The following FHL2 variants were observed in gnomAD, a reference collection of about 807,000 sequenced individuals.
The protein encoded by FHL2 is four and a half LIM domains 2.
A neutral mutation model predicts 32.7 loss-of-function variants in FHL2; 20 were observed. The ratio of observed to expected loss-of-function variants is 0.61; its 90% CI spans 0.43 to 0.89. The LOEUF (loss-of-function observed/expected upper bound fraction) is 0.89, where lower values mean the gene tolerates loss of function less well. Ranked by LOEUF, FHL2 falls within the 40% of genes least tolerant of loss-of-function variation. FHL2 has a pLI of 0.00. For synonymous variants in FHL2, 123 were observed against 128.1 expected (o/e 0.96, Z 0.27); for missense variants, 311 against 358.6 (o/e 0.87, Z 1.07).
chr2:105,417,903 T>C (rs1421953875), intron 1 of FHL2, among the ~76,000 whole-genome samples: 3 of 152,096 alleles, frequency 2.0e-5, no homozygotes, highest in African/African-American at 7.2e-5. Context: ...GCTAAGGCAC[T>C]AGGAGTCTTC....
chr2:105,425,592 G>A (rs942559899), intron 1 of FHL2, among the ~76,000 whole-genome samples: 1 of 151,992 alleles, frequency 6.6e-6, no homozygotes, highest in Admixed American at 6.6e-5. Flanking sequence ...TGTAAAACCC[G>A]ATTGTACATT....
At chr2:105,370,689 CTT>C (rs1558687025) in intron 4 of FHL2, among the ~76,000 whole-genome samples, 1 of 152,148 alleles carries the variant, frequency 6.6e-6, no homozygotes, top group Non-Finnish European at 1.5e-5. Context: ...GGTTCTAACA[CTT>C]TTAAAAATCA....
At chr2:105,374,357 C>A (rs1160455486) in intron 3 of FHL2, 1 of 155,314 alleles carries the variant, frequency 6.4e-6, no homozygotes, top group Non-Finnish European at 1.4e-5. Flanking sequence ...ATTGGAGGGA[C>A]CACAGGCCAG....
chr2:105,436,653 T>C (rs1684620709), intron 1 of FHL2, among the ~76,000 whole-genome samples: 1 of 152,100 alleles, frequency 6.6e-6, no homozygotes, highest in African/African-American at 2.4e-5. Context: ...TAGTGGTATT[T>C]TTTTAAAAAA....
chr2:105,402,260 T>C (rs537030668), upstream of FHL2, among the ~76,000 whole-genome samples: 69 of 151,750 alleles, frequency 4.5e-4, no homozygotes, highest in South Asian at 8.7e-3. Flanking sequence ...TATATATATG[T>C]ATTTGAGATG....
chr2:105,399,195 C>G (rs1161816054), upstream of FHL2: 9 of 1,436,436 alleles, frequency 6.3e-6, no homozygotes, highest in East Asian at 2.6e-4. Flanking sequence ...TGCCCCCGCC[C>G]CGGGCTGCGG....
intron 3 of FHL2, among the ~76,000 whole-genome samples, chr2:105,384,705 G>A (rs138816487): frequency 4.3e-4 from 66 of 152,284 alleles, no homozygotes; most frequent in East Asian, 2.3e-3. Flanking sequence ...ACAGGGTTTC[G>A]CCATGTTGGC....
At chr2:105,384,436 G>C (rs937447633) in intron 3 of FHL2, among the ~76,000 whole-genome samples, 3 of 152,172 alleles carry the variant, frequency 2.0e-5, no homozygotes, top group Non-Finnish European at 4.4e-5. Context: ...AGAAGAGTAC[G>C]AGTGCGAGTG....
At chr2:105,393,917 T>G (rs191560230) in intron 2 of FHL2, among the ~76,000 whole-genome samples, 60 of 152,324 alleles carry the variant, frequency 3.9e-4, no homozygotes, top group African/African-American at 1.4e-3. Flanking sequence ...CAGTCCAGGA[T>G]GCAGCCTGGC....
At chr2:105,368,188 AGT>A (rs746118576) in intron 4 of FHL2, among the ~76,000 whole-genome samples, 175 of 152,202 alleles carry the variant, frequency 1.1e-3, no homozygotes, top group Non-Finnish European at 2.1e-3. Context: ...AAATGGCTAG[AGT>A]GTGAATGAAC....
chr2:105,421,596 T>G (rs1448931122), intron 1 of FHL2, among the ~76,000 whole-genome samples: 1 of 152,178 alleles, frequency 6.6e-6, no homozygotes, highest in African/African-American at 2.4e-5. Context: ...ATGAAAGAAA[T>G]CAAAATTAAA....
chr2:105,407,816 C>T lies in FHL2; in HGVS notation c.-24-21276G>A, dbSNP rs116163039. 7.9e-3 allele frequency among the ~76,000 whole-genome samples: 1,201 copies of T among 152,288 alleles called. 17 individuals are homozygous for T. The highest frequency in any genetic ancestry group is 0.028 in the African/African-American group (1,149 of 41,542). On this transcript the variant is annotated intron_variant, in intron 1 of 5. Coordinates refer to the FHL2 transcript ENST00000393352. ...CTCCCCCCGCTGCCACCACCACCAC[C>T]AGCCTAGGCCTTAATCGCAGAGAAG...
At chr2:105,368,072 A>T (rs1036567315) in intron 4 of FHL2, among the ~76,000 whole-genome samples, 14 of 152,226 alleles carry the variant, frequency 9.2e-5, no homozygotes, top group African/African-American at 3.4e-4. Context: ...GAAGTGTGGC[A>T]TAGCTCCGAT....
chr2:105,361,463 T>G (rs1190581784), intron 6 of FHL2, 29 bp from the exon 7 acceptor site: 1 of 1,599,252 alleles, frequency 6.3e-7, no homozygotes, highest in Non-Finnish European at 8.5e-7. Flanking sequence ...TAATACCGGA[T>G]GAAGAAAGTT....
At chr2:105,412,640 T>C (rs1683827822) in intron 1 of FHL2, among the ~76,000 whole-genome samples, 2 of 151,832 alleles carry the variant, frequency 1.3e-5, no homozygotes, top group Admixed American at 6.6e-5. Context: ...ACGTGGATGG[T>C]TAGGAGTGGG....
Position 105,396,660 on chromosome 2 carries a change from T to C in FHL2, c.-38A>G. On this transcript the variant is annotated 5_prime_UTR_variant, in exon 2 of 7. Coordinates refer to ENST00000530340, the MANE Select transcript of FHL2 (RefSeq NM_001318895.3). ...CACTTGACTCACCCCAAAGTCAAAA[T>C]GCCAGCCTAGTCTCCAGGAAGACAC... 1 of 1,612,828 alleles carries C rather than the reference T, an allele frequency of 6.2e-7. No individual in the cohort carries two copies. Among genetic ancestry groups the C allele is most frequent in the South Asian group, 1.1e-5 (1 of 91,066 alleles).
intron 4 of FHL2, among the ~76,000 whole-genome samples, chr2:105,371,990 T>C (rs7574257): frequency 0.71 from 107,934 of 151,934 alleles, 38,768 homozygotes; most frequent in African/African-American, 0.79. Context: ...AGAGGCCTTC[T>C]TGCCTGGAGC....
chr2:105,396,868 C>T, intron 1 of FHL2, 171 bp from the exon 2 acceptor site: 2 of 622,108 alleles, frequency 3.2e-6, no homozygotes, highest in Non-Finnish European at 5.5e-6. Context: ...GCTCAAGGAA[C>T]TTTGTACCTC....
upstream of FHL2, chr2:105,399,083 C>A: frequency 2.0e-6 from 3 of 1,487,726 alleles, no homozygotes; most frequent in Non-Finnish European, 2.7e-6. Flanking sequence ...CCTCGAGAAA[C>A]CCCGCCGTGT....
Sources: gnomAD v4.1 joint callset for allele counts (sites outside exome capture counted in the v4.1 genomes callset) on GRCh38, gnomAD v4.1.1 for gene constraint, MANE v1.5 for transcripts, NCBI Gene and HGNC (gene_info 2026-07-23, HGNC 2026-07-21) for gene names.